CYRIA: variants seen among roughly 807,000 people sequenced by gnomAD.
CYRIA encodes CYFIP-related Rac1 interactor A.
In CYRIA, 15 loss-of-function variants were observed where a neutral mutation model predicts 43.9. The observed-to-expected ratio is 0.34, with a 90% CI of 0.23 to 0.53. CYRIA has a LOEUF of 0.53. Among genes scored for constraint, CYRIA ranks in the 20% least tolerant of loss-of-function variants. The pLI, the probability that CYRIA is intolerant of heterozygous loss-of-function variation, is 0.94. For missense variants in CYRIA, 236 were observed against 394.2 expected (o/e 0.60, Z 3.40); for synonymous variants, 117 against 136.0 (o/e 0.86, Z 0.97).
At chr2:16,599,628 G>A (rs1668130262) in intron 2 of CYRIA, among the ~76,000 whole-genome samples, 2 of 145,576 alleles carry the variant, frequency 1.4e-5, no homozygotes, top group South Asian at 4.6e-4. Flanking sequence ...TGCGCCCACT[G>A]TCTGGCACTC....
chr2:16,589,215 C>G (rs1368274266), intron 2 of CYRIA, among the ~76,000 whole-genome samples: 1 of 152,070 alleles, frequency 6.6e-6, no homozygotes, highest in Non-Finnish European at 1.5e-5. Context: ...AATTACTGAA[C>G]TGGTGCAAGG....
intron 2 of CYRIA, among the ~76,000 whole-genome samples, chr2:16,615,513 C>T (rs1668749955): frequency 6.6e-6 from 1 of 152,212 alleles, no homozygotes; most frequent in African/African-American, 2.4e-5. Context: ...CATACAATAT[C>T]TCAGTCCTTG....
chr2:16,586,765 A>C (rs1667743239), intron 3 of CYRIA, among the ~76,000 whole-genome samples: 1 of 152,136 alleles, frequency 6.6e-6, no homozygotes. Flanking sequence ...TATGCAAGGA[A>C]GTTCCAATTA....
At chr2:16,658,933 A>T (rs1572209877) in intron 1 of CYRIA, among the ~76,000 whole-genome samples, 1 of 152,152 alleles carries the variant, frequency 6.6e-6, no homozygotes, top group Non-Finnish European at 1.5e-5. Context: ...TAAGTTGGAT[A>T]CCACCTGCCT....
In CYRIA at chr2:16,587,636, C is replaced by T. The variant is rs111879334; in HGVS notation, c.70+414G>A. Among the ~76,000 whole-genome samples, 755 of 152,192 alleles carry T rather than the reference C, an allele frequency of 5.0e-3. 8 individuals carry two copies. Among genetic ancestry groups the T allele is most frequent in the African/African-American group, 0.016 (674 of 41,548 alleles). On this transcript the variant is annotated intron_variant, in intron 3 of 11. Coordinates refer to ENST00000381323, the MANE Select transcript of CYRIA (RefSeq NM_030797.4). ...AAATCTCATCTTGAATTGTAGCTTC[C>T]ATAATTCCCACTTGTTGTGGGAGGG...
chr2:16,555,468 TCA>T (rs1333936468), intron 10 of CYRIA, among the ~76,000 whole-genome samples: 1 of 152,148 alleles, frequency 6.6e-6, no homozygotes, highest in Non-Finnish European at 1.5e-5. Context: ...CACTCAGTGC[TCA>T]GTTTCCATGT....
chr2:16,580,333 G>A (rs868768124), intron 3 of CYRIA, among the ~76,000 whole-genome samples: 23 of 152,070 alleles, frequency 1.5e-4, no homozygotes, highest in Admixed American at 3.3e-4. Context: ...AGACATAAAC[G>A]GATGAAAGCA....
chr2:16,638,052 G>C (rs12472097), intron 1 of CYRIA, among the ~76,000 whole-genome samples: 33,806 of 152,038 alleles, frequency 0.22, 6,536 homozygotes, highest in East Asian at 0.6. Context: ...TGGCAGTTGT[G>C]ACCTCATCTT....
chr2:16,615,978 C>T (rs913601580), intron 2 of CYRIA, among the ~76,000 whole-genome samples: 1 of 152,184 alleles, frequency 6.6e-6, no homozygotes, highest in African/African-American at 2.4e-5. Flanking sequence ...TCTTCTGTTT[C>T]GCTCGATTAT....
intron 2 of CYRIA, among the ~76,000 whole-genome samples, chr2:16,611,409 C>T (rs567898172): frequency 6.6e-6 from 1 of 152,238 alleles, no homozygotes; most frequent in African/African-American, 2.4e-5. Flanking sequence ...GAAATAAATA[C>T]ATGAGCATTG....
At chr2:16,601,029 T>C (rs1393107061) in intron 2 of CYRIA, among the ~76,000 whole-genome samples, 1 of 152,182 alleles carries the variant, frequency 6.6e-6, no homozygotes, top group Non-Finnish European at 1.5e-5. Context: ...TGTGGTCAGC[T>C]GAAGGTATGT....
intron 3 of CYRIA, among the ~76,000 whole-genome samples, chr2:16,575,760 G>A (rs1037353047): frequency 3.3e-5 from 5 of 152,156 alleles, no homozygotes; most frequent in Admixed American, 3.3e-4. Context: ...GGAGGCTGAC[G>A]CAGGAGAATG....
At position 16,559,462 on chromosome 2, in the gene CYRIA, C is replaced by T; in HGVS notation, c.835G>A (p.Asp279Asn). Residue 279 changes from aspartate (D) to asparagine (N), a missense_variant and splice_region_variant, in exon 10 of 12, where the codon GAT becomes AAT. By Grantham distance (23) the Asp-to-Asn change is conservative (BLOSUM62 1). Around this residue, in one of 3 missense-constraint regions of CYRIA, gnomAD observed 40 missense variants for 62.2 expected, o/e 0.64. Coordinates refer to ENST00000381323, the MANE Select transcript of CYRIA (RefSeq NM_030797.4). The stretch of plus-strand genomic sequence containing the variant: ...GCACATTTCACAACTATTCTTACAT[C>T]GATCTTGGATGTCTTGCAGAAAGCT... The part of the protein sequence containing the change: ...VGAFCKTSKI[D>N]MKGCIKVLKE... 5 of 1,611,870 alleles carry T rather than the reference C, an allele frequency of 3.1e-6. No homozygotes were observed. Among genetic ancestry groups the T allele is most frequent in the Non-Finnish European group, 4.2e-6 (5 of 1,179,030 alleles).
At chr2:16,604,611 G>T (rs75781452) in intron 2 of CYRIA, among the ~76,000 whole-genome samples, 1 of 152,160 alleles carries the variant, frequency 6.6e-6, no homozygotes, top group African/African-American at 2.4e-5. Flanking sequence ...ATCAATAGGT[G>T]GTGTTAAAAA....
chr2:16,640,193 T>G (rs1669632234), intron 1 of CYRIA, among the ~76,000 whole-genome samples: 2 of 152,166 alleles, frequency 1.3e-5, no homozygotes. Context: ...TCATCAGCAA[T>G]CCTACCAATG....
intron 4 of CYRIA, among the ~76,000 whole-genome samples, chr2:16,564,545 CTTACTAGACTGTTACTT>C (rs1378746941): frequency 6.6e-6 from 1 of 152,166 alleles, no homozygotes; most frequent in Non-Finnish European, 1.5e-5. Context: ...AAAACCACCT[CTTACTAGACTGTTACTT>C]TTTTAGAAAC....
intron 1 of CYRIA, among the ~76,000 whole-genome samples, chr2:16,638,610 G>A (rs1669574957): frequency 6.6e-6 from 1 of 152,184 alleles, no homozygotes; most frequent in African/African-American, 2.4e-5. Context: ...TTGATGGGTT[G>A]GACTGGGAGG....
chr2:16,611,887 G>C (rs986958654), intron 2 of CYRIA, among the ~76,000 whole-genome samples: 2 of 152,154 alleles, frequency 1.3e-5, no homozygotes, highest in African/African-American at 4.8e-5. Context: ...CAGTCTTCTG[G>C]TTATGTTGAA....
chr2:16,626,880 C>T (rs374128905), intron 1 of CYRIA, among the ~76,000 whole-genome samples: 31 of 152,334 alleles, frequency 2.0e-4, no homozygotes, highest in African/African-American at 7.5e-4. Context: ...AGGAGTTTGC[C>T]CTTCTGTAGC....
Sources: gnomAD v4.1 joint callset for allele counts (sites outside exome capture counted in the v4.1 genomes callset) on GRCh38, gnomAD v4.1.1 for gene constraint, gnomAD v4.1.1 regional missense constraint, MANE v1.5 for transcripts, NCBI Gene and HGNC (gene_info 2026-07-23, HGNC 2026-07-21) for gene names.